Variants in SPATA16 observed in about 807,000 individuals in gnomAD.
SPATA16 encodes spermatogenesis-associated protein 16.
Under a neutral mutation model 63.3 loss-of-function variants are expected in SPATA16, and 36 were observed. That is an observed-to-expected ratio of 0.57 (90% CI 0.44 to 0.75). The LOEUF (loss-of-function observed/expected upper bound fraction) is 0.75. Ranked by LOEUF, SPATA16 falls within the 30% of genes least tolerant of loss-of-function variation. The pLI, the probability that SPATA16 is intolerant of heterozygous loss-of-function variation, is 0.00. For synonymous variants in SPATA16, 203 were observed against 216.7 expected (o/e 0.94, Z 0.56); for missense variants, 646 against 679.3 (o/e 0.95, Z 0.54).
At chr3:173,008,412 G>C (rs1275475045) in intron 4 of SPATA16, among the ~76,000 whole-genome samples, 1 of 152,062 alleles carries the variant, frequency 6.6e-6, no homozygotes, top group Admixed American at 6.6e-5. Flanking sequence ...CCGCAGCTCA[G>C]ATTGTGCTAG....
rs923331455 is a variant in SPATA16, at chr3:172,889,756, A to C, written c.1588-64T>G. On this transcript the variant is annotated intron_variant, in intron 10 of 10. Coordinates refer to ENST00000351008, the MANE Select transcript of SPATA16 (RefSeq NM_031955.6). ...TTTTCCTGGGTTTTGTATACTTATAAAAACGGTGAGGTATTTAAAATAAAT... is the reference window on the plus strand; with the variant it reads ...TTTTCCTGGGTTTTGTATACTTATACAAACGGTGAGGTATTTAAAATAAAT... The C allele has an allele frequency of 5.6e-6, 9 of 1,594,278 alleles. No homozygotes were observed. The African/African-American group carries it at 1.2e-4, about 21-fold the overall frequency.
intron 1 of SPATA16, among the ~76,000 whole-genome samples, chr3:173,130,090 C>T (rs546973096): frequency 3.3e-5 from 5 of 152,020 alleles, no homozygotes; most frequent in Admixed American, 6.6e-5. Flanking sequence ...CGCCCGGGCG[C>T]GGTGGCTCAA....
rs59406777 is a variant in SPATA16, at chr3:172,983,328, CT to C, written c.849-6277del. Among the ~76,000 whole-genome samples, 818 of 142,204 alleles carry C rather than the reference CT, an allele frequency of 5.8e-3. 4 individuals are homozygous for C. Among genetic ancestry groups the C allele is most frequent in the African/African-American group, 0.014 (534 of 39,300 alleles). 93.3% of individuals were successfully genotyped at this position (142,204 alleles called of 152,430 possible). ...TTCCATCTTTCTCCAAGTGACCTCT[CT>C]TTTTTTTTTTTTGCCATGAGTCAGT... is the stretch of plus-strand genomic sequence containing the variant. On this transcript the variant is annotated intron_variant, in intron 4 of 10. Transcript: ENST00000351008.
In SPATA16 at chr3:172,982,529, T is replaced by C. The variant is rs556185059; in HGVS notation, c.849-5477A>G. Among the ~76,000 whole-genome samples, 2 of 152,306 alleles carry C rather than the reference T, an allele frequency of 1.3e-5. 1 individual carries two copies. Among genetic ancestry groups the C allele is most frequent in the South Asian group, 4.1e-4 (2 of 4,828 alleles). On this transcript the variant is annotated intron_variant, in intron 4 of 10. Coordinates refer to ENST00000351008, the MANE Select transcript of SPATA16 (RefSeq NM_031955.6). Reference sequence around the variant, plus strand: ...GTTCACATTTTGTTTACTTAATACATATGTTAAGTATAAAAGGGCCAGAAT... The same window carrying C: ...GTTCACATTTTGTTTACTTAATACACATGTTAAGTATAAAAGGGCCAGAAT...
chr3:172,942,713 G>T (rs528002249), intron 6 of SPATA16, among the ~76,000 whole-genome samples: 6 of 152,166 alleles, frequency 3.9e-5, no homozygotes, highest in Non-Finnish European at 7.4e-5. Context: ...AAAAAACCCT[G>T]CATTCCAAAA....
Position 172,949,582 on chromosome 3 carries a change from G to C in SPATA16, c.1081+7095C>G, listed in dbSNP as rs543191905. ...GCAGCACCTAATGATTAACTATATTGTTGACAGAGAGGCTACATTATAAAA... is the reference window on the plus strand; with the variant it reads ...GCAGCACCTAATGATTAACTATATTCTTGACAGAGAGGCTACATTATAAAA... On this transcript the variant is annotated intron_variant, in intron 6 of 10. Coordinates refer to ENST00000351008, the MANE Select transcript of SPATA16 (RefSeq NM_031955.6). 3.3e-5 allele frequency among the ~76,000 whole-genome samples: 5 copies of C among 152,218 alleles called. No homozygotes were observed. In the East Asian group the frequency reaches 9.7e-4, roughly 29 times the overall value.
chr3:172,917,441 G>T (rs941454944), intron 8 of SPATA16, among the ~76,000 whole-genome samples: 1 of 152,192 alleles, frequency 6.6e-6, no homozygotes, highest in East Asian at 1.9e-4. Flanking sequence ...TTACATCCTG[G>T]TGCTCAGAAG....
intron 3 of SPATA16, among the ~76,000 whole-genome samples, chr3:173,023,751 T>TA (rs1021650139): frequency 6.6e-6 from 1 of 151,564 alleles, no homozygotes; most frequent in Non-Finnish European, 1.5e-5. Context: ...TTAACTTTTT[T>TA]AAAAAAACAG....
intron 1 of SPATA16, among the ~76,000 whole-genome samples, chr3:173,132,210 A>G (rs1342441197): frequency 6.6e-6 from 1 of 152,170 alleles, no homozygotes; most frequent in Non-Finnish European, 1.5e-5. Context: ...ACAACACATT[A>G]GATACAGCAG....
intron 10 of SPATA16, among the ~76,000 whole-genome samples, chr3:172,890,595 A>G (rs1731874717): frequency 1.3e-5 from 2 of 152,180 alleles, no homozygotes; most frequent in South Asian, 4.1e-4. Flanking sequence ...CAATTTTCCA[A>G]TTTTGAGTTC....
intron 2 of SPATA16, among the ~76,000 whole-genome samples, chr3:173,060,270 CAAA>C (rs1736347673): frequency 6.6e-6 from 1 of 152,024 alleles, no homozygotes; most frequent in Non-Finnish European, 1.5e-5. Context: ...AAAAAAGAAA[CAAA>C]GCCAAAGATG....
chr3:173,086,167 G>A (rs904353458), intron 2 of SPATA16, among the ~76,000 whole-genome samples: 1 of 151,896 alleles, frequency 6.6e-6, no homozygotes, highest in Non-Finnish European at 1.5e-5. Flanking sequence ...CCTTGTCCTG[G>A]GCTTTTTTTG....
At chr3:173,030,382 C>G (rs1053555674) in intron 3 of SPATA16, among the ~76,000 whole-genome samples, 2 of 151,810 alleles carry the variant, frequency 1.3e-5, no homozygotes, top group African/African-American at 4.8e-5. Flanking sequence ...GAGTTAACAA[C>G]AATTTAAAAG....
At chr3:172,948,874 TAAAC>T (rs1227658841) in intron 6 of SPATA16, among the ~76,000 whole-genome samples, 2 of 152,188 alleles carry the variant, frequency 1.3e-5, no homozygotes, top group African/African-American at 2.4e-5. Context: ...AAGAAGTTCA[TAAAC>T]AAATTATTGA....
At chr3:173,129,866 A>G (rs1320900277) in intron 1 of SPATA16, among the ~76,000 whole-genome samples, 2 of 152,138 alleles carry the variant, frequency 1.3e-5, no homozygotes, top group Admixed American at 6.6e-5. Context: ...CAAATAATGC[A>G]TGATCCACTG....
chr3:173,119,724 C>T (rs1344735966), intron 1 of SPATA16, among the ~76,000 whole-genome samples: 2 of 152,124 alleles, frequency 1.3e-5, no homozygotes, highest in Non-Finnish European at 2.9e-5. Flanking sequence ...ATCACAGGCC[C>T]CACCAACAGC....
At chr3:173,014,188 T>G (rs1735130741) in intron 4 of SPATA16, among the ~76,000 whole-genome samples, 1 of 152,170 alleles carries the variant, frequency 6.6e-6, no homozygotes, top group Non-Finnish European at 1.5e-5. Flanking sequence ...AACCTTGGTG[T>G]CCAACACCAG....
intron 2 of SPATA16, among the ~76,000 whole-genome samples, chr3:173,110,429 A>G (rs761494810): frequency 1.3e-5 from 2 of 152,234 alleles, no homozygotes; most frequent in Non-Finnish European, 1.5e-5. Flanking sequence ...AAGACTAGAA[A>G]TTGTTAATGT....
At chr3:173,050,918 A>G (rs1194670454) in intron 2 of SPATA16, among the ~76,000 whole-genome samples, 1 of 152,200 alleles carries the variant, frequency 6.6e-6, no homozygotes, top group Non-Finnish European at 1.5e-5. Flanking sequence ...ATTATTCTAG[A>G]GAATCTGACC....
Sources: gnomAD v4.1 joint callset for allele counts (sites outside exome capture counted in the v4.1 genomes callset) on GRCh38, gnomAD v4.1.1 for gene constraint, MANE v1.5 for transcripts, NCBI Gene and HGNC (gene_info 2026-07-23, HGNC 2026-07-21) for gene names.